HEMK2: variants seen among roughly 807,000 people sequenced by gnomAD.
HEMK2 encodes methyltransferase HEMK2.
the HEMK2 span, among the ~76,000 whole-genome samples, chr21:28,656,288 G>A: frequency 3.3e-5 from 5 of 151,942 alleles, no homozygotes; most frequent in African/African-American, 4.8e-5. Context: ...TAGAAAACAC[G>A]GTCTGGGGAA....
chr21:28,690,989 G>C, the HEMK2 span, among the ~76,000 whole-genome samples: 1,056 of 152,286 alleles, frequency 6.9e-3, 11 homozygotes, highest in African/African-American at 0.024. Flanking sequence ...GCTAGATACA[G>C]AGTCTTGATC....
chr21:28,645,839 C>T, the HEMK2 span, among the ~76,000 whole-genome samples: 2 of 152,140 alleles, frequency 1.3e-5, no homozygotes, highest in African/African-American at 4.8e-5. Flanking sequence ...CCAAATCTGC[C>T]AGTGCCTTGC....
chr21:28,873,028 CA>C, the HEMK2 span: 1 of 152,334 alleles, frequency 6.6e-6, no homozygotes, highest in Non-Finnish European at 1.5e-5. Context: ...TTACCCTTGT[CA>C]ACTTGGCACC....
At chr21:28,701,034 CT>C in the HEMK2 span, among the ~76,000 whole-genome samples, 4 of 152,030 alleles carry the variant, frequency 2.6e-5, no homozygotes, top group Non-Finnish European at 5.9e-5. Flanking sequence ...ATAAACAGAA[CT>C]AAAAACAAAA....
At chr21:28,752,804 A>G in the HEMK2 span, among the ~76,000 whole-genome samples, 1 of 143,394 alleles carries the variant, frequency 7.0e-6, no homozygotes, top group Non-Finnish European at 1.5e-5. Flanking sequence ...TACAAAATGT[A>G]AGATATTATT....
chr21:28,681,186 T>C, the HEMK2 span, among the ~76,000 whole-genome samples: 2,530 of 152,294 alleles, frequency 0.017, 71 homozygotes, highest in African/African-American at 0.056. Flanking sequence ...CTTAAGCTGA[T>C]AAGCAACTTC....
At chr21:28,708,329 T>C in the HEMK2 span, among the ~76,000 whole-genome samples, 4 of 152,238 alleles carry the variant, frequency 2.6e-5, no homozygotes, top group Non-Finnish European at 4.4e-5. Flanking sequence ...TTAATCCTTT[T>C]TTGCCTCCTG....
chr21:28,868,246 T>G, the HEMK2 span, among the ~76,000 whole-genome samples: 1 of 152,180 alleles, frequency 6.6e-6, no homozygotes. Flanking sequence ...CTGTTCTTGG[T>G]CATTTGTTCC....
At chr21:28,854,322 T>A in the HEMK2 span, among the ~76,000 whole-genome samples, 388 of 152,254 alleles carry the variant, frequency 2.5e-3, 8 homozygotes, top group East Asian at 0.057. Context: ...CTATTAGAAG[T>A]AGAGTCCTTA....
At chr21:28,806,888 C>A in the HEMK2 span, among the ~76,000 whole-genome samples, 3 of 152,124 alleles carry the variant, frequency 2.0e-5, no homozygotes, top group Non-Finnish European at 4.4e-5. Flanking sequence ...GACCTCTAGC[C>A]TCCATAACTG....
At chr21:28,855,431 C>G in the HEMK2 span, among the ~76,000 whole-genome samples, 1 of 152,054 alleles carries the variant, frequency 6.6e-6, no homozygotes, top group Non-Finnish European at 1.5e-5. Flanking sequence ...TATACCCTAC[C>G]GACAGTATTA....
At chr21:28,690,592 C>T in the HEMK2 span, among the ~76,000 whole-genome samples, 2 of 152,028 alleles carry the variant, frequency 1.3e-5, no homozygotes, top group African/African-American at 4.8e-5. Context: ...TCACCTGAAC[C>T]AAGAAGTAGA....
At chr21:28,623,639 G>A in the HEMK2 span, among the ~76,000 whole-genome samples, 5 of 152,286 alleles carry the variant, frequency 3.3e-5, no homozygotes, top group Non-Finnish European at 5.9e-5. Context: ...ATACACCATG[G>A]AATATTATGT....
chr21:28,656,854 T>C, the HEMK2 span, among the ~76,000 whole-genome samples: 1 of 152,126 alleles, frequency 6.6e-6, no homozygotes, highest in Non-Finnish European at 1.5e-5. Flanking sequence ...TTGACCATTG[T>C]GTAACTTTGA....
the HEMK2 span, among the ~76,000 whole-genome samples, chr21:28,593,774 C>T: frequency 1.3e-5 from 2 of 152,106 alleles, no homozygotes; most frequent in African/African-American, 4.8e-5. Flanking sequence ...TTCATGAGTC[C>T]ATTTAGATGT....
chr21:28,732,067 C>G, the HEMK2 span, among the ~76,000 whole-genome samples: 2 of 152,334 alleles, frequency 1.3e-5, no homozygotes, highest in Admixed American at 6.5e-5. Context: ...AGCCACCCAG[C>G]CTCTCCTGCC....
the HEMK2 span, among the ~76,000 whole-genome samples, chr21:28,839,746 T>C: frequency 6.6e-6 from 1 of 152,200 alleles, no homozygotes; most frequent in African/African-American, 2.4e-5. Flanking sequence ...ACATATCCCA[T>C]GCTCATGGAT....
the HEMK2 span, among the ~76,000 whole-genome samples, chr21:28,602,685 T>C: frequency 5.9e-5 from 9 of 152,282 alleles, no homozygotes; most frequent in South Asian, 4.1e-4. Context: ...CCTGAGCCAA[T>C]AGAGGGTAAA....
At chr21:28,694,758 G>A in the HEMK2 span, among the ~76,000 whole-genome samples, 25 of 152,268 alleles carry the variant, frequency 1.6e-4, no homozygotes, top group African/African-American at 5.1e-4. Flanking sequence ...TTGGAAGGCT[G>A]AGGCGGGAGG....
Sources: gnomAD v4.1 joint callset for allele counts (sites outside exome capture counted in the v4.1 genomes callset) on GRCh38, gnomAD v4.1.1 for gene constraint, MANE v1.5 for transcripts, NCBI Gene and HGNC (gene_info 2026-07-23, HGNC 2026-07-21) for gene names.